SDCCAG8: variants seen among roughly 807,000 people sequenced by gnomAD.
SDCCAG8 encodes serologically defined colon cancer antigen 8.
A neutral mutation model predicts 101.8 loss-of-function variants in SDCCAG8; 74 were observed. The ratio of observed to expected loss-of-function variants is 0.73; its 90% CI spans 0.60 to 0.88. The LOEUF is 0.88. Ranked by LOEUF, SDCCAG8 falls within the 40% of genes least tolerant of loss-of-function variation. The probability of loss-of-function intolerance (pLI) is 0.00; values close to 1 mark genes in which losing one functional copy is unlikely to be tolerated. For synonymous variants in SDCCAG8, 281 were observed against 292.9 expected, an observed-to-expected ratio of 0.96 and a Z score of 0.41; for missense variants, 787 against 822.6, an observed-to-expected ratio of 0.96 and a Z score of 0.53.
chr1:243,440,013 G>A (rs1271512984), intron 16 of SDCCAG8, among the ~76,000 whole-genome samples: 1 of 152,172 alleles, frequency 6.6e-6, no homozygotes, highest in African/African-American at 2.4e-5. Flanking sequence ...AATTGCTAAT[G>A]GAGCATATGG....
chr1:243,375,311 A>G (rs1056159307), intron 12 of SDCCAG8, among the ~76,000 whole-genome samples: 1 of 152,134 alleles, frequency 6.6e-6, no homozygotes, highest in African/African-American at 2.4e-5. Context: ...GAGGTAGACC[A>G]TGGGCACTGC....
intron 1 of SDCCAG8, chr1:243,267,492 T>C (rs982361009): frequency 9.8e-5 from 35 of 356,866 alleles, no homozygotes; most frequent in Middle Eastern, 9.8e-4. Context: ...ATCCCAGCTA[T>C]TGGGGAGGCT....
intron 13 of SDCCAG8, among the ~76,000 whole-genome samples, chr1:243,380,019 A>G (rs547210943): frequency 2.6e-5 from 4 of 152,312 alleles, no homozygotes; most frequent in African/African-American, 9.6e-5. Flanking sequence ...CAAACCTTGT[A>G]TAAAACATTT....
chr1:243,299,190 A>G (rs1210831377), intron 6 of SDCCAG8, among the ~76,000 whole-genome samples: 1 of 152,090 alleles, frequency 6.6e-6, no homozygotes, highest in Non-Finnish European at 1.5e-5. Context: ...ATATCTTCCA[A>G]ATTTTTATTT....
chr1:243,338,718 A>C lies in SDCCAG8; in HGVS notation c.1222-2321A>C, dbSNP rs147761578. The C allele has an allele frequency of 5.2e-3, 799 of 152,332 alleles. 1 individual carries two copies. Among genetic ancestry groups the C allele is most frequent in the Non-Finnish European group, 8.5e-3 (581 of 68,046 alleles). 9.4% of individuals were successfully genotyped at this position (152,332 alleles called of 1,614,324 possible). A position where few individuals can be genotyped will look rare whatever the true frequency, so the allele number is the denominator to read the frequency against. On this transcript the variant is annotated intron_variant, in intron 10 of 17. Coordinates refer to ENST00000366541, the MANE Select transcript of SDCCAG8 (RefSeq NM_006642.5). ...TCTCTTGCATAGGGAGTACAGCTTCATACCAGGTTCAATACACTAGGGACT... is the reference window on the plus strand; with the variant it reads ...TCTCTTGCATAGGGAGTACAGCTTCCTACCAGGTTCAATACACTAGGGACT...
chr1:243,351,413 G>A (rs2076075701), intron 12 of SDCCAG8, among the ~76,000 whole-genome samples: 1 of 152,228 alleles, frequency 6.6e-6, no homozygotes, highest in Admixed American at 6.5e-5. Flanking sequence ...TGAGGAGTCA[G>A]AGTACACATT....
intron 16 of SDCCAG8, among the ~76,000 whole-genome samples, chr1:243,445,824 T>TG (rs892203221): frequency 6.6e-6 from 1 of 152,224 alleles, no homozygotes; most frequent in Non-Finnish European, 1.5e-5. Context: ...CTTTTTGTGT[T>TG]GGGGGGTGGA....
intron 4 of SDCCAG8, among the ~76,000 whole-genome samples, chr1:243,284,088 CT>C (rs1350746601): frequency 8.5e-5 from 13 of 152,316 alleles, no homozygotes; most frequent in African/African-American, 3.1e-4. Context: ...ATTTTAACAT[CT>C]TTGCCTTATC....
chr1:243,497,326 G>A (rs1369158905), intron 17 of SDCCAG8, among the ~76,000 whole-genome samples: 1 of 141,170 alleles, frequency 7.1e-6, no homozygotes, highest in African/African-American at 2.7e-5. Context: ...AGGCACGGCT[G>A]TAGGCACGGG....
intron 12 of SDCCAG8, among the ~76,000 whole-genome samples, chr1:243,366,695 A>G (rs1239104221): frequency 1.3e-5 from 2 of 152,078 alleles, no homozygotes; most frequent in East Asian, 1.9e-4. Flanking sequence ...GATGTACCTT[A>G]GATGTGTCAT....
intron 1 of SDCCAG8, chr1:243,269,089 C>CA (rs1156758923): frequency 6.6e-6 from 1 of 152,432 alleles, no homozygotes; most frequent in African/African-American, 2.4e-5. Context: ...CAGGTCTCTC[C>CA]AGCAGGGTAG....
intron 10 of SDCCAG8, among the ~76,000 whole-genome samples, chr1:243,339,621 TA>T (rs944476251): frequency 2.0e-5 from 3 of 152,216 alleles, no homozygotes; most frequent in African/African-American, 7.2e-5. Flanking sequence ...AATTCTCCAC[TA>T]CCTTCAGAAA....
intron 16 of SDCCAG8, among the ~76,000 whole-genome samples, chr1:243,430,661 A>C (rs2081677601): frequency 1.3e-5 from 2 of 151,462 alleles, no homozygotes; most frequent in South Asian, 4.2e-4. Context: ...CATGGTCTGG[A>C]TCTCCTGACC....
chr1:243,276,083 C>T (rs1013833681), intron 4 of SDCCAG8, among the ~76,000 whole-genome samples: 3 of 151,880 alleles, frequency 2.0e-5, no homozygotes, highest in East Asian at 1.9e-4. Flanking sequence ...AGCATGGTCT[C>T]GATCTCTTGA....
chr1:243,259,473 A>G (rs1049123742), intron 1 of SDCCAG8, among the ~76,000 whole-genome samples: 6 of 152,156 alleles, frequency 3.9e-5, no homozygotes, highest in African/African-American at 1.4e-4. Context: ...CTATTATGGT[A>G]TATCAAAATT....
At position 243,449,254 on chromosome 1, in the gene SDCCAG8, G is replaced by A. The variant is rs377446128; in HGVS notation, c.1985+22696G>A. On this transcript the variant is annotated intron_variant, in intron 16 of 17. Coordinates refer to ENST00000366541, the MANE Select transcript of SDCCAG8 (RefSeq NM_006642.5). ...CATGCTTAATGGAGCGACTTGCTAA[G>A]GTTGTTAGCAGTTACATAAATGACT... 1.4e-3 allele frequency among the ~76,000 whole-genome samples: 212 copies of A among 152,246 alleles called. 2 individuals carry two copies. Among genetic ancestry groups the A allele is most frequent in the African/African-American group, 4.6e-3 (190 of 41,544 alleles).
intron 5 of SDCCAG8, among the ~76,000 whole-genome samples, chr1:243,288,672 T>C (rs12074660): frequency 0.29 from 44,508 of 151,974 alleles, 6,759 homozygotes; most frequent in South Asian, 0.52. Context: ...AGTTTGCTGA[T>C]TTCAATATAG....
At chr1:243,307,572 G>T (rs1295774646) in intron 7 of SDCCAG8, 21 of 983,858 alleles carry the variant, frequency 2.1e-5, no homozygotes, top group Non-Finnish European at 2.5e-5. Context: ...TTGAAATAGG[G>T]TATTTTCCTC....
At chr1:243,265,064 G>A (rs1323589342) in intron 1 of SDCCAG8, among the ~76,000 whole-genome samples, 1 of 152,168 alleles carries the variant, frequency 6.6e-6, no homozygotes. Flanking sequence ...AAGGATTATG[G>A]GGGCTTCAGT....
Sources: gnomAD v4.1 joint callset for allele counts (sites outside exome capture counted in the v4.1 genomes callset) on GRCh38, gnomAD v4.1.1 for gene constraint, MANE v1.5 for transcripts, NCBI Gene and HGNC (gene_info 2026-07-23, HGNC 2026-07-21) for gene names.